Variants in SLC39A7 observed in about 807,000 individuals in gnomAD.
SLC39A7 encodes zinc transporter SLC39A7.
In SLC39A7, 25 loss-of-function variants were observed where a neutral mutation model predicts 39.7. The observed-to-expected ratio is 0.63, with a 90% CI of 0.46 to 0.88. SLC39A7 has a LOEUF of 0.88. SLC39A7 is among the 40% of genes least tolerant of loss of function. SLC39A7 has a pLI of 0.00. For synonymous variants in SLC39A7, 181 were observed against 234.1 expected, an observed-to-expected ratio of 0.77 and a Z score of 2.07; for missense variants, 501 against 592.1, an observed-to-expected ratio of 0.85 and a Z score of 1.60.
Position 33,203,988 on chromosome 6 carries a change from C to G in SLC39A7, c.*175C>G, listed in dbSNP as rs895941476. The G allele has an allele frequency of 4.7e-6, 3 of 645,122 alleles. No homozygotes were observed. The highest frequency in any genetic ancestry group is 8.1e-6 in the Non-Finnish European group (3 of 371,608). The allele number at this position is 645,122 out of a possible 1,614,324, so 40.0% of individuals were successfully genotyped here. A position where few individuals can be genotyped will look rare whatever the true frequency, so the allele number is the denominator to read the frequency against. ...GCTGGCAGTCTTACAGAGGCTGGAG[C>G]GGTGAGAATGAGAGGCCAGAGGGAC... On this transcript the variant is annotated 3_prime_UTR_variant, in exon 7 of 7. Transcript: ENST00000374677.
At position 33,201,590 on chromosome 6, in the gene SLC39A7, A is replaced by G; in HGVS notation, c.345A>G (p.Gly115=). Residue 115 remains glycine (G), a synonymous_variant, in exon 1 of 7, where the codon GGA becomes GGG. Coordinates refer to ENST00000374677, the MANE Select transcript of SLC39A7 (RefSeq NM_006979.3). This position sits in a 1 kb window ranked among gnomAD's most constrained non-coding sequence, Gnocchi z 5.9. The part of the protein sequence containing the change: ...GHGHDHEHSH[G]GYGESGAPGI... ...GACATGACCATGAGCATAGCCATGGAGGCTATGGGGAGTCTGGGGCTCCAG... is the reference window on the plus strand; with the variant it reads ...GACATGACCATGAGCATAGCCATGGGGGCTATGGGGAGTCTGGGGCTCCAG... 1 of 1,613,108 alleles carries G rather than the reference A, an allele frequency of 6.2e-7. No individual in the cohort carries two copies. Among genetic ancestry groups the G allele is most frequent in the Non-Finnish European group, 8.5e-7 (1 of 1,179,176 alleles).
rs1256838990 is a variant in SLC39A7, at chr6:33,201,336, C to T, written c.91C>T (p.His31Tyr). The change falls in exon 1 of 7, where the codon CAT (histidine) becomes TAT (tyrosine). Residue 31 changes from histidine to tyrosine, a missense_variant. Coordinates refer to ENST00000374677, the MANE Select transcript of SLC39A7 (RefSeq NM_006979.3). This position sits in a 1 kb window ranked among gnomAD's most constrained non-coding sequence, Gnocchi z 5.9. ...LGLLVAGLGG[H>Y]DDLHDDLQED... ...GCTTCTGGTGGCTGGACTCGGGGGT[C>T]ATGACGACCTGCACGACGATCTGCA... 7 of 1,614,016 alleles carry T rather than the reference C, an allele frequency of 4.3e-6. No individual in the cohort carries two copies. Among genetic ancestry groups the T allele is most frequent in the Non-Finnish European group, 8.5e-7 (1 of 1,180,018 alleles).
In SLC39A7 at chr6:33,203,735, A is replaced by G. The variant is rs749753724; in HGVS notation, c.1332A>G (p.Ser444=). Residue 444 remains serine, a synonymous_variant, in exon 7 of 7, where the codon TCA becomes TCG. Transcript: ENST00000374677. The part of the protein sequence containing the change: ...SVLPELLREA[S]PLQSLLEVLG... ...TGCCCGAGCTGCTGAGGGAGGCATC[A>G]CCATTGCAATCACTTCTGGAGGTGC... 6.2e-7 allele frequency: 1 copy of G among 1,614,174 alleles called. No individual in the cohort carries two copies. Among genetic ancestry groups the G allele is most frequent in the East Asian group, 2.2e-5 (1 of 44,884 alleles).
chr6:33,203,988 C>T lies in SLC39A7; in HGVS notation c.*175C>T, dbSNP rs895941476. On this transcript the variant is annotated 3_prime_UTR_variant, in exon 7 of 7. Transcript: ENST00000374677. ...GCTGGCAGTCTTACAGAGGCTGGAG[C>T]GGTGAGAATGAGAGGCCAGAGGGAC... The T allele has an allele frequency of 9.5e-5, 61 of 645,004 alleles. 1 individual carries two copies. The highest frequency in any genetic ancestry group is 8.4e-4 in the African/African-American group (46 of 54,894). 40.0% of individuals were successfully genotyped at this position (645,004 alleles called of 1,614,324 possible).
chr6:33,202,834 G>A, intron 5 of SLC39A7, 76 bp from the exon 6 acceptor site: 1 of 1,568,144 alleles, frequency 6.4e-7, no homozygotes, highest in East Asian at 2.2e-5. Context: ...GAGGGGAGGT[G>A]TGAGAATAGC....
intron 6 of SLC39A7, 58 bp from the exon 7 acceptor site, chr6:33,203,483 A>G (rs1423526132): frequency 6.3e-7 from 1 of 1,596,314 alleles, no homozygotes; most frequent in East Asian, 2.2e-5. Flanking sequence ...AGCCACTTCT[A>G]AACCACTGAT....
In SLC39A7 at chr6:33,201,875, T is replaced by C. The variant is rs1486872855; in HGVS notation, c.542T>C (p.Leu181Pro). The C allele has an allele frequency of 6.2e-7, 1 of 1,612,992 alleles. No individual in the cohort carries two copies. The highest frequency in any genetic ancestry group is 8.5e-7 in the Non-Finnish European group (1 of 1,180,004). ...CTCAGTTTTGCTTCCGGTGGGCTCC[T>C]GGGAGATGCTTTCCTGCACCTCATT... ...ILLSFASGGL[L>P]GDAFLHLIPH... Residue 181 changes from leucine to proline, a missense_variant, in exon 2 of 7, where the codon CTG becomes CCG. Transcript: ENST00000374677. The surrounding 1 kb of genome is among the most constrained non-coding windows in gnomAD (Gnocchi z 5.9).
At chr6:33,203,400 A>G (rs147700795) in intron 6 of SLC39A7, 141 bp from the exon 7 acceptor site, 4 of 900,092 alleles carry the variant, frequency 4.4e-6, no homozygotes, top group African/African-American at 3.4e-5. Context: ...TGTCTATTCT[A>G]GACTGCTCCC....
chr6:33,202,540 C>G lies in SLC39A7; in HGVS notation c.800-20C>G. 1.3e-6 allele frequency: 2 copies of G among 1,593,154 alleles called. No homozygotes were observed. Among genetic ancestry groups the G allele is most frequent in the Non-Finnish European group, 1.7e-6 (2 of 1,171,822 alleles). ...TGGAAGATCTGTTCTCCACTCTGAC[C>G]AACTCTTTTCTTCCCTCAGAGCGTT... On this transcript the variant is annotated intron_variant, in intron 4 of 6. Transcript: ENST00000374677.
In SLC39A7 at chr6:33,201,557, A is replaced by AGGACAT. The variant is rs759429566; in HGVS notation, c.320_325dup (p.Gly107_His108dup). ...ACTCCCATGAGAGCCTCTACCACAG[A>AGGACAT]GGACATGGACATGACCATGAGCATA... is the stretch of plus-strand genomic sequence containing the variant. On this transcript the variant is annotated inframe_insertion, in exon 1 of 7. Transcript: ENST00000374677. The surrounding 1 kb of genome is among the most constrained non-coding windows in gnomAD (Gnocchi z 5.9). 3 of 1,614,124 alleles carry AGGACAT rather than the reference A, an allele frequency of 1.9e-6. No individual in the cohort carries two copies. In the South Asian group the frequency reaches 3.3e-5, roughly 18 times the overall value.
chr6:33,201,143 C>T lies in SLC39A7; in HGVS notation c.-103C>T. 5 of 1,117,802 alleles carry T rather than the reference C, an allele frequency of 4.5e-6. No individual in the cohort carries two copies. In the South Asian group the frequency reaches 7.2e-5, roughly 16 times the overall value. 69.2% of individuals were successfully genotyped at this position (1,117,802 alleles called of 1,614,324 possible). A position where few individuals can be genotyped will look rare whatever the true frequency, so the allele number is the denominator to read the frequency against. ...GGAACTTAAGGGAATGGGAGAGCGG[C>T]CCATAGAGGTGGACGGAGGGCGCGA... is the stretch of plus-strand genomic sequence containing the variant. On this transcript the variant is annotated 5_prime_UTR_variant, in exon 1 of 7. Coordinates refer to ENST00000374677, the MANE Select transcript of SLC39A7 (RefSeq NM_006979.3). The surrounding 1 kb of genome is among the most constrained non-coding windows in gnomAD (Gnocchi z 5.9).
Position 33,203,010 on chromosome 6 carries a change from A to G in SLC39A7, c.1041A>G (p.Leu347=). Residue 347 remains leucine (L), a synonymous_variant, in exon 6 of 7, where the codon CTA becomes CTG. Transcript: ENST00000374677. ...CTTCCTTTCGAGGGGGCCGGGGACT[A>G]GGGATCCTGACCACAATGACTGTCC... The part of the protein sequence containing the change: ...IGASFRGGRG[L]GILTTMTVLL... The G allele has an allele frequency of 1.2e-6, 2 of 1,612,664 alleles. No homozygotes were observed. The highest frequency in any genetic ancestry group is 1.1e-5 in the South Asian group (1 of 91,058).
chr6:33,203,624 C>T lies in SLC39A7; in HGVS notation c.1221C>T (p.Gly407=), dbSNP rs1284252343. ...CALLTEGGAV[G]SEIAGGAGPG... is the part of the protein sequence containing the mutation. ...TTCTCACTGAAGGAGGAGCAGTGGG[C>T]AGTGAAATTGCAGGTGGTGCAGGTC... Residue 407 remains glycine, a synonymous_variant, in exon 7 of 7, where the codon GGC becomes GGT. Coordinates refer to ENST00000374677, the MANE Select transcript of SLC39A7 (RefSeq NM_006979.3). 1.1e-5 allele frequency: 17 copies of T among 1,614,228 alleles called. No individual in the cohort carries two copies. Among genetic ancestry groups the T allele is most frequent in the Non-Finnish European group, 1.2e-5 (14 of 1,180,028 alleles).
intron 5 of SLC39A7, 46 bp downstream of exon 5, chr6:33,202,746 C>G: frequency 4.5e-6 from 7 of 1,570,684 alleles, no homozygotes; most frequent in Non-Finnish European, 5.2e-6. Flanking sequence ...GACATCATCA[C>G]AAATCACATG....
chr6:33,203,821 A>C lies in SLC39A7; in HGVS notation c.*8A>C. The C allele has an allele frequency of 6.2e-7, 1 of 1,613,214 alleles. No homozygotes were observed. Among genetic ancestry groups the C allele is most frequent in the Non-Finnish European group, 8.5e-7 (1 of 1,179,474 alleles). ...ATTGCCCACCTTGAGTGAGGGGTGG[A>C]TAAACTACCCCTGCCCCAAACCTCT... On this transcript the variant is annotated 3_prime_UTR_variant, in exon 7 of 7. Coordinates refer to ENST00000374677, the MANE Select transcript of SLC39A7 (RefSeq NM_006979.3).
At chr6:33,202,503 G>A (rs1043544733) in intron 4 of SLC39A7, 57 bp from the exon 5 acceptor site, 21 of 1,596,030 alleles carry the variant, frequency 1.3e-5, no homozygotes, top group Non-Finnish European at 1.6e-5. Context: ...CCTCAGGAGG[G>A]AGAGGACATG....
At chr6:33,203,221 C>T (rs1473676151) in intron 6 of SLC39A7, 115 bp downstream of exon 6, 3 of 942,422 alleles carry the variant, frequency 3.2e-6, no homozygotes, top group South Asian at 1.6e-5. Context: ...TTGACAAGTC[C>T]TCTAGAAATG....
rs147878855 is a variant in SLC39A7 at position 33,204,292 on chromosome 6, G to C, written c.*479G>C. 8 of 510,550 alleles carry C rather than the reference G, an allele frequency of 1.6e-5. No homozygotes were observed. Among genetic ancestry groups the C allele is most frequent in the African/African-American group, 1.5e-4 (8 of 52,126 alleles). The allele number at this position is 510,550 out of a possible 1,614,324, so 31.6% of individuals were successfully genotyped here. On this transcript the variant is annotated 3_prime_UTR_variant, in exon 7 of 7. Coordinates refer to ENST00000374677, the MANE Select transcript of SLC39A7 (RefSeq NM_006979.3). ...ACATCAATCGTGTGTCCTGATTTGG[G>C]AGTGATTGGGGGGATGGGGTGGGAG...
In SLC39A7 at chr6:33,203,585, C is replaced by T; in HGVS notation, c.1182C>T (p.Gly394=). The change falls in exon 7 of 7, where the codon GGC becomes GGT. Residue 394 remains glycine (G), a synonymous_variant. Transcript: ENST00000374677. ...QLLTAVGALA[G]TACALLTEGG... Reference sequence around the variant, plus strand: ...TGACAGCAGTAGGGGCACTGGCAGGCACAGCCTGTGCCCTTCTCACTGAAG... The same window carrying T: ...TGACAGCAGTAGGGGCACTGGCAGGTACAGCCTGTGCCCTTCTCACTGAAG... 6.2e-7 allele frequency: 1 copy of T among 1,613,940 alleles called. No homozygotes were observed. The highest frequency in any genetic ancestry group is 1.7e-4 in the Middle Eastern group (1 of 6,056).
Sources: gnomAD v4.1 joint callset for allele counts on GRCh38, gnomAD v4.1.1 for gene constraint, Gnocchi (gnomAD v3.1) non-coding constraint, MANE v1.5 for transcripts, NCBI Gene and HGNC (gene_info 2026-07-23, HGNC 2026-07-21) for gene names.